IQUB: variants seen among roughly 807,000 people sequenced by gnomAD.
The protein encoded by IQUB is IQ motif and ubiquitin-like domain-containing protein.
Under a neutral mutation model 86.4 loss-of-function variants are expected in IQUB, and 86 were observed. That is an observed-to-expected ratio of 1.00 (90% CI 0.84 to 1.19). The LOEUF is 1.19. Among genes scored for constraint, IQUB ranks in the 50% most tolerant of loss-of-function variants. IQUB has a pLI of 0.00. For synonymous variants in IQUB, 289 were observed against 304.5 expected (o/e 0.95, Z 0.53); for missense variants, 946 against 916.9 (o/e 1.03, Z -0.41).
At chr7:123,453,024 A>G (rs1793507537) in intron 12 of IQUB, 99 bp from the exon 13 acceptor site, 2 of 811,074 alleles carry the variant, frequency 2.5e-6, no homozygotes, top group Non-Finnish European at 3.8e-6. Context: ...CAATTCTTTC[A>G]TCCCAGACTA....
chr7:123,454,859 A>G (rs936534218), intron 12 of IQUB, among the ~76,000 whole-genome samples: 4 of 149,508 alleles, frequency 2.7e-5, no homozygotes, highest in African/African-American at 9.7e-5. Context: ...TCAGCATGAC[A>G]GCACTGCTGC....
intron 10 of IQUB, among the ~76,000 whole-genome samples, chr7:123,464,069 T>C (rs1794132744): frequency 6.6e-6 from 1 of 151,790 alleles, no homozygotes; most frequent in Non-Finnish European, 1.5e-5. Context: ...AATTTGTTTT[T>C]TCAAAAAAGC....
At chr7:123,504,952 A>T (rs1796111401) in intron 3 of IQUB, among the ~76,000 whole-genome samples, 1 of 152,234 alleles carries the variant, frequency 6.6e-6, no homozygotes, top group Non-Finnish European at 1.5e-5. Context: ...AATCAAAAAC[A>T]AGTTAGTTAC....
At chr7:123,500,885 T>C (rs1263123339) in intron 6 of IQUB, among the ~76,000 whole-genome samples, 1 of 152,244 alleles carries the variant, frequency 6.6e-6, no homozygotes, top group Admixed American at 6.5e-5. Flanking sequence ...CTTGTATATT[T>C]ATACTTTTAT....
At position 123,496,704 on chromosome 7, in the gene IQUB, G is replaced by A. The variant is rs773148456; in HGVS notation, c.1226C>T (p.Ala409Val). The change falls in exon 7 of 13, where the codon GCA becomes GTA. Residue 409 changes from alanine (A) to valine (V), a missense_variant. Coordinates refer to ENST00000324698, the MANE Select transcript of IQUB (RefSeq NM_178827.5). ...TNEDFEFLYN[A>V]LEFWRQEELT... ...GCCTGTGTCCAACTTACATTCTAAT[G>A]CATTATAAAGAAATTCAAAATCTTC... The A allele has an allele frequency of 1.3e-6, 2 of 1,584,114 alleles. No individual in the cohort carries two copies. Among genetic ancestry groups the A allele is most frequent in the African/African-American group, 1.4e-5 (1 of 73,890 alleles).
At chr7:123,517,392 G>A (rs1480818116) in intron 1 of IQUB, among the ~76,000 whole-genome samples, 3 of 151,678 alleles carry the variant, frequency 2.0e-5, no homozygotes, top group Non-Finnish European at 4.4e-5. Context: ...TTAGCCGGGC[G>A]TTGTGGCAGG....
chr7:123,522,852 C>CG (rs1796975106), intron 1 of IQUB, among the ~76,000 whole-genome samples: 1 of 114,288 alleles, frequency 8.7e-6, no homozygotes, highest in Non-Finnish European at 1.7e-5. Flanking sequence ...ATCCCTCCCC[C>CG]CTCCCCCCAC....
intron 7 of IQUB, among the ~76,000 whole-genome samples, chr7:123,484,050 T>C (rs1795115440): frequency 6.6e-6 from 1 of 152,090 alleles, no homozygotes; most frequent in Non-Finnish European, 1.5e-5. Context: ...GAGTATTTCT[T>C]TCTCTTCTCA....
intron 8 of IQUB, among the ~76,000 whole-genome samples, chr7:123,476,065 C>T (rs147410705): frequency 2.0e-5 from 3 of 152,124 alleles, no homozygotes; most frequent in African/African-American, 7.2e-5. Flanking sequence ...TCCTCCCTAC[C>T]TTCTTCCACA....
intron 8 of IQUB, among the ~76,000 whole-genome samples, chr7:123,476,394 T>A (rs533692748): frequency 6.6e-6 from 1 of 152,274 alleles, no homozygotes; most frequent in African/African-American, 2.4e-5. Flanking sequence ...CGAGAGCACC[T>A]GGTCTTTCTG....
chr7:123,461,290 ACATAAGATTG>A, intron 11 of IQUB, 57 bp downstream of exon 11: 2 of 1,446,420 alleles, frequency 1.4e-6, no homozygotes, highest in Admixed American at 3.8e-5. Context: ...ACACAAACAT[ACATAAGATTG>A]CAAGATAGCC....
At chr7:123,487,897 G>A (rs1164720604) in intron 7 of IQUB, among the ~76,000 whole-genome samples, 1 of 152,100 alleles carries the variant, frequency 6.6e-6, no homozygotes, top group Non-Finnish European at 1.5e-5. Context: ...TTCATCCACA[G>A]GCCTTTTTAG....
intron 1 of IQUB, among the ~76,000 whole-genome samples, chr7:123,529,724 T>TTAA (rs1410127512): frequency 2.8e-5 from 1 of 35,830 alleles, no homozygotes; most frequent in Non-Finnish European, 4.6e-5. Context: ...TGTCTCTACT[T>TTAA]AAAAAAAAAA....
At chr7:123,508,397 A>G (rs1796283161) in intron 3 of IQUB, among the ~76,000 whole-genome samples, 1 of 152,234 alleles carries the variant, frequency 6.6e-6, no homozygotes, top group Non-Finnish European at 1.5e-5. Context: ...TAGAACAGCC[A>G]TAAGAAACCA....
intron 6 of IQUB, 70 bp from the exon 7 acceptor site, chr7:123,496,976 A>C: frequency 1.1e-6 from 1 of 919,882 alleles, no homozygotes; most frequent in Non-Finnish European, 1.6e-6. Context: ...AAAGGCAATG[A>C]TGATTATTTC....
At chr7:123,463,921 T>C (rs927519114) in intron 10 of IQUB, among the ~76,000 whole-genome samples, 3 of 151,730 alleles carry the variant, frequency 2.0e-5, no homozygotes. Context: ...AGAAATAATA[T>C]AATGGGAACT....
chr7:123,460,887 C>T (rs918829187), intron 11 of IQUB, among the ~76,000 whole-genome samples: 1 of 151,528 alleles, frequency 6.6e-6, no homozygotes, highest in Admixed American at 6.6e-5. Context: ...ATGATTCATC[C>T]AAAAGAACTC....
At chr7:123,525,894 A>G (rs1268445542) in intron 1 of IQUB, among the ~76,000 whole-genome samples, 2 of 145,526 alleles carry the variant, frequency 1.4e-5, no homozygotes, top group East Asian at 2.0e-4. Context: ...AGATGCTGGT[A>G]TGTTGTGTCT....
At chr7:123,484,360 T>C (rs1795129450) in intron 7 of IQUB, among the ~76,000 whole-genome samples, 2 of 152,082 alleles carry the variant, frequency 1.3e-5, no homozygotes, top group Admixed American at 6.6e-5. Context: ...AAAATCTATA[T>C]ACCAAAAAGC....
Sources: allele counts gnomAD v4.1 joint callset (sites outside exome capture counted in the v4.1 genomes callset), GRCh38; gene constraint gnomAD v4.1.1; transcripts MANE v1.5; gene names NCBI Gene and HGNC (gene_info 2026-07-23, HGNC 2026-07-21).